Variants in FBXO42 observed in about 807,000 individuals in gnomAD.
The protein encoded by FBXO42 is F-box only protein 42.
FBXO42 carries 12 observed loss-of-function variants against 71.7 expected under a neutral mutation model. The observed-to-expected ratio is 0.17, with a 90% confidence interval of 0.11 to 0.27. The LOEUF (loss-of-function observed/expected upper bound fraction) is 0.27. Ranked by LOEUF, FBXO42 falls within the 10% of genes least tolerant of loss-of-function variation. The probability of loss-of-function intolerance (pLI) is 1.00; values close to 1 mark genes in which losing one functional copy is unlikely to be tolerated. For missense variants in FBXO42, 707 were observed against 911.9 expected (o/e 0.78, Z 2.89); for synonymous variants, 325 against 327.5 (o/e 0.99, Z 0.08).
rs1010523102 is a variant in FBXO42 at position 16,283,165 on chromosome 1, T to C, written c.502+11618A>G. ...CTTCTTCTTTTTACAGGAAAGAAAA[T>C]TGAGGCCCAGAGAATGCAAAAAATG... is the stretch of plus-strand genomic sequence containing the variant. On this transcript the variant is annotated intron_variant, in intron 4 of 9. Transcript: ENST00000375592. Among the ~76,000 whole-genome samples the C allele has an allele frequency of 7.2e-5, 11 of 152,132 alleles. No individual in the cohort carries two copies. The South Asian group carries it at 1.0e-3, about 14-fold the overall frequency.
At position 16,252,336 on chromosome 1, in the gene FBXO42, T is replaced by G; in HGVS notation, c.990A>C (p.Glu330Asp). 1 of 1,614,236 alleles carries G rather than the reference T, an allele frequency of 6.2e-7. No homozygotes were observed. Among genetic ancestry groups the G allele is most frequent in the African/African-American group, 1.3e-5 (1 of 75,060 alleles). Reference protein sequence around the residue: ...GPWAWQPLKVENEEHGAPELW... With the variant: ...GPWAWQPLKVDNEEHGAPELW... ...GTTCTGGGGCCCCATGCTCTTCATT[T>G]TCTACCTTGAGTGGCTGCCAGGCCC... Residue 330 changes from glutamate to aspartate, a missense_variant, in exon 9 of 10, where the codon GAA becomes GAC. This residue lies in a region of FBXO42 where 482 missense variants were observed against 587.1 expected (regional missense o/e 0.82). Transcript: ENST00000375592. This position sits in a 1 kb window ranked among gnomAD's most constrained non-coding sequence, Gnocchi z 4.4.
chr1:16,287,504 CA>C (rs779837072), intron 4 of FBXO42, among the ~76,000 whole-genome samples: 3 of 152,136 alleles, frequency 2.0e-5, no homozygotes, highest in Non-Finnish European at 2.9e-5. Context: ...AGAACAATAC[CA>C]GGGGGGCAAT....
In FBXO42 at chr1:16,294,883, A is replaced by G; in HGVS notation, c.402T>C (p.Tyr134=). 1 of 1,613,722 alleles carries G rather than the reference A, an allele frequency of 6.2e-7. No homozygotes were observed. The highest frequency in any genetic ancestry group is 1.3e-5 in the African/African-American group (1 of 75,052). ...TGCTCTGGGTACAGCCTCCAAACAC[A>G]TACATAGACTGATTAGCATCATAAT... ...ACYYDANQSM[Y]VFGGCTQSSC... The change falls in exon 4 of 10, where the codon TAT becomes TAC. Residue 134 remains tyrosine (Y), a synonymous_variant. Transcript: ENST00000375592.
chr1:16,314,094 G>C (rs918958816), intron 2 of FBXO42, among the ~76,000 whole-genome samples: 4 of 152,018 alleles, frequency 2.6e-5, no homozygotes, highest in African/African-American at 9.7e-5. Context: ...GCTGGGATTA[G>C]GTGCCCACCA....
At chr1:16,313,248 GTTC>G (rs2100572654) in intron 2 of FBXO42, among the ~76,000 whole-genome samples, 1 of 138,862 alleles carries the variant, frequency 7.2e-6, no homozygotes, top group South Asian at 2.3e-4. Context: ...CTAGGGTAGG[GTTC>G]TTCTCTAAAT....
chr1:16,264,265 C>G (rs2081748502), intron 4 of FBXO42, among the ~76,000 whole-genome samples: 1 of 152,218 alleles, frequency 6.6e-6, no homozygotes, highest in African/African-American at 2.4e-5. Flanking sequence ...ATCTTCCACA[C>G]TAGCACCTGA....
chr1:16,315,928 T>C (rs1358235523), intron 1 of FBXO42, among the ~76,000 whole-genome samples: 1 of 152,064 alleles, frequency 6.6e-6, no homozygotes, highest in Non-Finnish European at 1.5e-5. Flanking sequence ...CCCAGCACTT[T>C]GGGAGACCGA....
chr1:16,316,597 T>A (rs1477207352), intron 1 of FBXO42, among the ~76,000 whole-genome samples: 3 of 151,484 alleles, frequency 2.0e-5, no homozygotes, highest in Non-Finnish European at 4.4e-5. Flanking sequence ...TAGCCAGGTG[T>A]AGTGGCGCGT....
intron 4 of FBXO42, chr1:16,292,187 C>G (rs1297688319): frequency 6.6e-6 from 1 of 152,126 alleles, no homozygotes; most frequent in Admixed American, 6.6e-5. Context: ...ATTCATATTC[C>G]ATAGAGAATG....
chr1:16,335,630 C>G (rs1314132612), intron 1 of FBXO42, among the ~76,000 whole-genome samples: 1 of 152,044 alleles, frequency 6.6e-6, no homozygotes. Flanking sequence ...CTTTGGGAGG[C>G]CGAGGCGGGT....
intron 4 of FBXO42, among the ~76,000 whole-genome samples, chr1:16,263,807 CTT>C (rs1193282987): frequency 1.3e-4 from 17 of 126,622 alleles, no homozygotes; most frequent in Admixed American, 2.5e-4. Context: ...CATACATTAA[CTT>C]TTTTTTTTTT....
intron 2 of FBXO42, among the ~76,000 whole-genome samples, chr1:16,311,469 C>G (rs147043337): frequency 0.019 from 2,302 of 118,514 alleles, 61 homozygotes; most frequent in African/African-American, 0.07. Context: ...ACATGGGTGA[C>G]AGAGCAAGAT....
intron 4 of FBXO42, among the ~76,000 whole-genome samples, chr1:16,280,030 TAA>T (rs893025253): frequency 1.3e-5 from 2 of 152,046 alleles, no homozygotes; most frequent in African/African-American, 4.8e-5. Flanking sequence ...TATTTTTTAG[TAA>T]AGACAGGGTT....
intron 4 of FBXO42, among the ~76,000 whole-genome samples, chr1:16,261,105 G>A (rs981775428): frequency 1.3e-5 from 2 of 152,200 alleles, no homozygotes; most frequent in African/African-American, 4.8e-5. Context: ...TGCCTTAAAA[G>A]GTCTAGTGTT....
rs78131388 is a variant in FBXO42 at position 16,328,724 on chromosome 1, C to G, written c.-17-13289G>C. Among the ~76,000 whole-genome samples, 693 of 152,246 alleles carry G rather than the reference C, an allele frequency of 4.6e-3. 6 individuals carry two copies. The highest frequency in any genetic ancestry group is 0.016 in the African/African-American group (668 of 41,538). On this transcript the variant is annotated intron_variant, in intron 1 of 9. Transcript: ENST00000375592. ...TAAGCATACCTAGCACCCAGAAGTTCTTTCTAATACCGTTCTCCAATAAAA... is the reference window on the plus strand; with the variant it reads ...TAAGCATACCTAGCACCCAGAAGTTGTTTCTAATACCGTTCTCCAATAAAA...
chr1:16,297,964 G>T (rs1450237976), intron 3 of FBXO42, among the ~76,000 whole-genome samples: 2 of 151,860 alleles, frequency 1.3e-5, no homozygotes, highest in Non-Finnish European at 2.9e-5. Context: ...AGTGGCTCAT[G>T]CCTGTAATCC....
chr1:16,313,294 G>GAGAGAGAA (rs1553153848), intron 2 of FBXO42, among the ~76,000 whole-genome samples: 2 of 145,632 alleles, frequency 1.4e-5, no homozygotes, highest in Non-Finnish European at 3.0e-5. Flanking sequence ...AAAGAAGAAA[G>GAGAGAGAA]AGAGAGAAAG....
At chr1:16,319,800 A>G (rs910025166) in intron 1 of FBXO42, among the ~76,000 whole-genome samples, 1 of 151,794 alleles carries the variant, frequency 6.6e-6, no homozygotes, top group Non-Finnish European at 1.5e-5. Flanking sequence ...AGTCCCAGCT[A>G]CTCGGGAGGC....
intron 4 of FBXO42, among the ~76,000 whole-genome samples, chr1:16,281,214 G>A (rs1201342754): frequency 3.3e-5 from 5 of 152,074 alleles, no homozygotes; most frequent in Non-Finnish European, 7.4e-5. Context: ...CGCCCGCCTC[G>A]GCCTCCCAAA....
Sources: allele counts gnomAD v4.1 joint callset (sites outside exome capture counted in the v4.1 genomes callset), GRCh38; gene constraint gnomAD v4.1.1; regional missense constraint gnomAD v4.1.1; non-coding constraint Gnocchi (gnomAD v3.1); transcripts MANE v1.5; gene names NCBI Gene and HGNC (gene_info 2026-07-23, HGNC 2026-07-21).